Variants in TMEM9B observed in about 807,000 individuals in gnomAD.
TMEM9B encodes transmembrane protein 9B.
TMEM9B carries 8 observed loss-of-function variants against 23.5 expected under a neutral mutation model. The ratio of observed to expected loss-of-function variants is 0.34; its 90% confidence interval spans 0.20 to 0.61. The LOEUF is 0.61. Among genes scored for constraint, TMEM9B ranks in the 20% least tolerant of loss-of-function variants. The pLI is 0.78. For missense variants in TMEM9B, 197 were observed against 252.3 expected, an observed-to-expected ratio of 0.78 and a Z score of 1.49; for synonymous variants, 106 against 96.3, an observed-to-expected ratio of 1.10 and a Z score of -0.59.
At position 8,953,269 on chromosome 11, in the gene TMEM9B, A is replaced by C; in HGVS notation, c.375T>G (p.Val125=). The change falls in exon 4 of 5, where the codon GTT becomes GTG. Residue 125 remains valine (V), a synonymous_variant. Coordinates refer to ENST00000534025, the MANE Select transcript of TMEM9B (RefSeq NM_020644.3). ...AGAGGCGCCTCTTCAGTATGGGCTC[A>C]ACCAGAGTAAGATATACCATGTACA... The part of the protein sequence containing the change: ...LLLYMVYLTL[V]EPILKRRLFG... The C allele has an allele frequency of 6.2e-7, 1 of 1,614,176 alleles. No individual in the cohort carries two copies. Among genetic ancestry groups the C allele is most frequent in the Non-Finnish European group, 8.5e-7 (1 of 1,180,018 alleles).
chr11:8,958,117 C>A (rs990083408), intron 2 of TMEM9B, among the ~76,000 whole-genome samples: 1 of 135,444 alleles, frequency 7.4e-6, no homozygotes, highest in Non-Finnish European at 1.5e-5. Flanking sequence ...CGAGATCGTG[C>A]CATTGCACTC....
chr11:8,964,519 G>A, upstream of TMEM9B: 6 of 1,386,144 alleles, frequency 4.3e-6, no homozygotes, highest in Non-Finnish European at 5.6e-6. Context: ...CAGTGCGAAG[G>A]GCCGGGAGGC....
At chr11:8,954,149 A>G (rs1853931593) in intron 3 of TMEM9B, among the ~76,000 whole-genome samples, 1 of 152,246 alleles carries the variant, frequency 6.6e-6, no homozygotes, top group Admixed American at 6.5e-5. Context: ...AGCCAGTCAC[A>G]GAAGACTATA....
At chr11:8,953,096 T>A in intron 4 of TMEM9B, 107 bp downstream of exon 4, 6 of 1,387,090 alleles carry the variant, frequency 4.3e-6, no homozygotes, top group Non-Finnish European at 6.2e-6. Flanking sequence ...TAGTTGAGGA[T>A]CTGCTTCAGC....
At chr11:8,956,954 A>G (rs1328983631) in intron 2 of TMEM9B, among the ~76,000 whole-genome samples, 1 of 152,194 alleles carries the variant, frequency 6.6e-6, no homozygotes, top group African/African-American at 2.4e-5. Context: ...ACCTGGCCTC[A>G]AGTGATCCTC....
intron 2 of TMEM9B, among the ~76,000 whole-genome samples, chr11:8,960,536 A>G (rs1467681080): frequency 6.6e-6 from 1 of 152,218 alleles, no homozygotes; most frequent in Non-Finnish European, 1.5e-5. Context: ...AAGTTAGTGA[A>G]AAGATTAGTG....
chr11:8,964,601 T>C (rs1199297385), upstream of TMEM9B: 37 of 658,592 alleles, frequency 5.6e-5, no homozygotes, highest in South Asian at 9.3e-4. Flanking sequence ...GGTGGCAGCC[T>C]GGGCCCAGTA....
chr11:8,951,532 A>G lies in TMEM9B; in HGVS notation c.441+1671T>C, dbSNP rs191517280. The stretch of plus-strand genomic sequence containing the variant: ...TTTGGGAGGCCGAGGCAGGGGGATC[A>G]TGAGGTCAGGAGATTGAGACCATCC... On this transcript the variant is annotated intron_variant, in intron 4 of 4. Transcript: ENST00000534025. Among the ~76,000 whole-genome samples the G allele has an allele frequency of 6.0e-3, 915 of 151,470 alleles. 6 individuals are homozygous for G. Among genetic ancestry groups the G allele is most frequent in the Middle Eastern group, 0.021 (6 of 286 alleles).
At chr11:8,960,109 A>ATT (rs1351171937) in intron 2 of TMEM9B, among the ~76,000 whole-genome samples, 2 of 147,456 alleles carry the variant, frequency 1.4e-5, no homozygotes, top group Non-Finnish European at 3.0e-5. Context: ...AGCAAGCCTT[A>ATT]TTCTCAACTG....
rs766011426 is a variant in TMEM9B at position 8,957,074 on chromosome 11, C to T, written c.198-776G>A. The stretch of plus-strand genomic sequence containing the variant: ...ATGAATGACTAACCACGTTTAACAG[C>T]GTGGTAAATTCTGAAACTCTGAAAA... On this transcript the variant is annotated intron_variant, in intron 2 of 4. Transcript: ENST00000534025. The surrounding 1 kb of genome is among the most constrained non-coding windows in gnomAD (Gnocchi z 4.3). Among the ~76,000 whole-genome samples the T allele has an allele frequency of 6.6e-6, 1 of 152,154 alleles. No individual in the cohort carries two copies. The highest frequency in any genetic ancestry group is 1.5e-5 in the Non-Finnish European group (1 of 68,036).
At chr11:8,964,496 C>T, upstream of TMEM9B, 1 of 1,412,028 alleles carries the variant, frequency 7.1e-7, no homozygotes, top group Non-Finnish European at 9.2e-7. Context: ...GCATCCGCCC[C>T]GGAACCGGTT....
chr11:8,960,232 T>C (rs1413455130), intron 2 of TMEM9B, among the ~76,000 whole-genome samples: 1 of 143,280 alleles, frequency 7.0e-6, no homozygotes, highest in Non-Finnish European at 1.5e-5. Context: ...AACCTCTACC[T>C]CTGCGGCTCA....
intron 1 of TMEM9B, chr11:8,963,994 G>A: frequency 1.8e-6 from 1 of 565,350 alleles, no homozygotes; most frequent in South Asian, 2.2e-5. Context: ...GGACGACCGT[G>A]GGGCGCTGCC....
At chr11:8,964,472 G>A (rs7940895), upstream of TMEM9B, 694 of 1,422,342 alleles carry the variant, frequency 4.9e-4, 8 homozygotes, top group Middle Eastern at 3.3e-3. Flanking sequence ...GGCGCGCCGG[G>A]TCAGATGCAA....
At chr11:8,960,831 G>A (rs1046842900) in intron 2 of TMEM9B, among the ~76,000 whole-genome samples, 5 of 151,924 alleles carry the variant, frequency 3.3e-5, no homozygotes, top group Non-Finnish European at 7.4e-5. Context: ...ACAGGCACCC[G>A]CCACCAAGCC....
chr11:8,964,012 C>T, intron 1 of TMEM9B, 197 bp downstream of exon 1: 1 of 571,578 alleles, frequency 1.7e-6, no homozygotes, highest in Non-Finnish European at 3.0e-6. Flanking sequence ...GCCTGCCAGG[C>T]TGTCGGGGCT....
chr11:8,953,079 G>C, intron 4 of TMEM9B, 124 bp downstream of exon 4: 3 of 1,190,894 alleles, frequency 2.5e-6, no homozygotes, highest in South Asian at 1.2e-5. Flanking sequence ...GCTGTTTTTA[G>C]CTTCTCTAGT....
intron 2 of TMEM9B, among the ~76,000 whole-genome samples, chr11:8,959,442 G>A (rs993995569): frequency 1.3e-5 from 2 of 152,150 alleles, no homozygotes; most frequent in Admixed American, 1.3e-4. Context: ...CAGAATCCAG[G>A]ACTCCTGCTT....
rs761989179 is a variant in TMEM9B at position 8,957,135 on chromosome 11, C to A, written c.198-837G>T. On this transcript the variant is annotated intron_variant, in intron 2 of 4. Transcript: ENST00000534025. The surrounding 1 kb of genome is among the most constrained non-coding windows in gnomAD (Gnocchi z 4.3). ...AAAGCCACACACAGGAAGAAACAAT[C>A]ACTTTTCTTAATGAGCAAATCTGAA... Among the ~76,000 whole-genome samples, 1 of 152,196 alleles carries A rather than the reference C, an allele frequency of 6.6e-6. No individual in the cohort carries two copies. The highest frequency in any genetic ancestry group is 1.5e-5 in the Non-Finnish European group (1 of 68,024).
Sources: gnomAD v4.1 joint callset for allele counts (sites outside exome capture counted in the v4.1 genomes callset) on GRCh38, gnomAD v4.1.1 for gene constraint, Gnocchi (gnomAD v3.1) non-coding constraint, MANE v1.5 for transcripts, NCBI Gene and HGNC (gene_info 2026-07-23, HGNC 2026-07-21) for gene names.